The following GALNT13 variants were observed in gnomAD, a reference collection of about 807,000 sequenced individuals.
GALNT13 encodes the protein UDP-GalNAc:polypeptide N-acetylgalactosaminyltransferase 13.
In GALNT13, 28 loss-of-function variants were observed where a neutral mutation model predicts 64.2. The observed-to-expected ratio is 0.44, with a 90% CI of 0.32 to 0.60. GALNT13 has a LOEUF of 0.60. Among genes scored for constraint, GALNT13 ranks in the 20% least tolerant of loss-of-function variants. The pLI is 0.05. For synonymous variants in GALNT13, 214 were observed against 224.6 expected, an observed-to-expected ratio of 0.95 and a Z score of 0.42; for missense variants, 577 against 669.8, an observed-to-expected ratio of 0.86 and a Z score of 1.53.
intron 9 of GALNT13, among the ~76,000 whole-genome samples, chr2:154,367,107 A>G (rs2105300768): frequency 6.6e-6 from 1 of 152,306 alleles, no homozygotes; most frequent in Middle Eastern, 3.4e-3. Flanking sequence ...CAGAGTAAAA[A>G]TAGAATTCAC....
chr2:153,325,751 T>C, the GALNT13 span, among the ~76,000 whole-genome samples: 19 of 152,210 alleles, frequency 1.2e-4, no homozygotes, highest in Non-Finnish European at 8.8e-5. Flanking sequence ...AATTTTGTTA[T>C]TTACCCCGTA....
the GALNT13 span, among the ~76,000 whole-genome samples, chr2:153,660,715 G>A: frequency 6.6e-6 from 1 of 151,882 alleles, no homozygotes; most frequent in East Asian, 1.9e-4. Flanking sequence ...TGTGTTCTGT[G>A]TGTCATTTTA....
the GALNT13 span, among the ~76,000 whole-genome samples, chr2:153,538,376 ATTTT>A: frequency 8.4e-4 from 65 of 77,490 alleles, no homozygotes; most frequent in East Asian, 0.019. Context: ...TATTTATTTT[ATTTT>A]ATTTTATTTT....
intron 9 of GALNT13, among the ~76,000 whole-genome samples, chr2:154,354,649 C>T (rs799812): frequency 0.98 from 147,729 of 151,422 alleles, 72,196 homozygotes; most frequent in East Asian, 1. Context: ...AAACTCACTT[C>T]TGCAAGCACC....
At chr2:153,880,694 T>G (rs1686722557) in intron 1 of GALNT13, among the ~76,000 whole-genome samples, 2 of 152,206 alleles carry the variant, frequency 1.3e-5, no homozygotes, top group Non-Finnish European at 2.9e-5. Context: ...CTGAAAAATA[T>G]TAGAAACAGT....
intron 1 of GALNT13, among the ~76,000 whole-genome samples, chr2:153,875,789 A>G (rs923251626): frequency 5.9e-5 from 9 of 152,216 alleles, no homozygotes; most frequent in African/African-American, 1.7e-4. Context: ...AATGCTACAT[A>G]TCTCTGTTAG....
the GALNT13 span, among the ~76,000 whole-genome samples, chr2:153,084,765 T>C: frequency 2.0e-5 from 3 of 152,188 alleles, no homozygotes; most frequent in Non-Finnish European, 4.4e-5. Context: ...TTAAATCTCT[T>C]TTCTTTATAA....
At chr2:153,321,055 A>G in the GALNT13 span, among the ~76,000 whole-genome samples, 1 of 152,188 alleles carries the variant, frequency 6.6e-6, no homozygotes, top group Non-Finnish European at 1.5e-5. Context: ...GTTTTGAGTG[A>G]GAACAGGATA....
At chr2:154,368,956 G>A (rs752629734) in intron 9 of GALNT13, among the ~76,000 whole-genome samples, 5 of 151,718 alleles carry the variant, frequency 3.3e-5, no homozygotes, top group Admixed American at 6.6e-5. Context: ...ATTGTGTTCC[G>A]GAATTGTAAA....
At chr2:153,688,989 GGGGTGTGT>G in the GALNT13 span, among the ~76,000 whole-genome samples, 2 of 94,868 alleles carry the variant, frequency 2.1e-5, no homozygotes, top group Non-Finnish European at 4.1e-5. Context: ...GGTAGAGGTA[GGGGTGTGT>G]GTGTGTGTGT....
the GALNT13 span, among the ~76,000 whole-genome samples, chr2:153,818,091 G>A: frequency 1.3e-5 from 2 of 150,226 alleles, no homozygotes. Flanking sequence ...ACTCAGAACC[G>A]GCATGGAACC....
chr2:153,331,988 A>G, the GALNT13 span, among the ~76,000 whole-genome samples: 4 of 152,070 alleles, frequency 2.6e-5, no homozygotes, highest in Non-Finnish European at 5.9e-5. Flanking sequence ...AGTCTCTGAG[A>G]AGGTTTCGTA....
At chr2:153,665,808 A>C in the GALNT13 span, among the ~76,000 whole-genome samples, 1 of 151,994 alleles carries the variant, frequency 6.6e-6, no homozygotes, top group Non-Finnish European at 1.5e-5. Context: ...AGATCCCACA[A>C]CCTCCATGGA....
chr2:153,649,301 A>G, the GALNT13 span, among the ~76,000 whole-genome samples: 2 of 152,114 alleles, frequency 1.3e-5, no homozygotes, highest in African/African-American at 2.4e-5. Flanking sequence ...CTGTGGGATC[A>G]GTGGTGATAT....
intron 9 of GALNT13, among the ~76,000 whole-genome samples, chr2:154,356,397 A>G (rs1330207247): frequency 3.3e-5 from 5 of 151,992 alleles, no homozygotes; most frequent in African/African-American, 1.2e-4. Context: ...AGAAATCTAG[A>G]CACATGGAAA....
rs571324577 is a variant in GALNT13 at position 154,416,326 on chromosome 2, T to C, written c.1395+7244T>C. Among the ~76,000 whole-genome samples the C allele has an allele frequency of 7.9e-5, 12 of 151,994 alleles. No homozygotes were observed. The South Asian group carries it at 2.5e-3, about 32-fold the overall frequency. On this transcript the variant is annotated intron_variant, in intron 11 of 12. Transcript: ENST00000392825. ...GGAAAAGTTCATTGAGCCTTCTTCT[T>C]GCATGCTCACATGGTGAAAGAGAAG...
the GALNT13 span, among the ~76,000 whole-genome samples, chr2:153,281,983 C>T: frequency 6.6e-6 from 1 of 151,622 alleles, no homozygotes; most frequent in Non-Finnish European, 1.5e-5. Context: ...TGATTTATTC[C>T]TTCAAATGTG....
At chr2:153,792,970 C>CTTTTTTTT in the GALNT13 span, among the ~76,000 whole-genome samples, 50 of 132,236 alleles carry the variant, frequency 3.8e-4, no homozygotes, top group Non-Finnish European at 5.6e-4. Flanking sequence ...TTCTTTCTTT[C>CTTTTTTTT]TTTTTTTTTT....
the GALNT13 span, among the ~76,000 whole-genome samples, chr2:153,325,239 T>A: frequency 6.6e-6 from 1 of 150,792 alleles, no homozygotes; most frequent in Admixed American, 6.7e-5. Context: ...GGTGTATGTG[T>A]CCAGGAATTT....
Sources: allele counts gnomAD v4.1 joint callset (sites outside exome capture counted in the v4.1 genomes callset), GRCh38; gene constraint gnomAD v4.1.1; transcripts MANE v1.5; gene names NCBI Gene and HGNC (gene_info 2026-07-23, HGNC 2026-07-21).